The following PACRG variants were observed in gnomAD, a reference collection of about 807,000 sequenced individuals.
The protein encoded by PACRG is parkin coregulated.
In PACRG, 29 loss-of-function variants were observed where a neutral mutation model predicts 29.7. That is an observed-to-expected ratio of 0.98 (90% CI 0.73 to 1.33). The LOEUF is 1.33. Ranked by LOEUF, PACRG falls within the 40% of genes most tolerant of loss-of-function variation. The pLI, the probability that PACRG is intolerant of heterozygous loss-of-function variation, is 0.00. For missense variants in PACRG, 279 were observed against 316.2 expected (o/e 0.88, Z 0.89); for synonymous variants, 116 against 118.7 (o/e 0.98, Z 0.15).
chr6:163,033,863 G>C (rs1807901891), intron 2 of PACRG, among the ~76,000 whole-genome samples: 1 of 152,136 alleles, frequency 6.6e-6, no homozygotes, highest in Non-Finnish European at 1.5e-5. Flanking sequence ...AGTTTGCTGG[G>C]TCACCTTGAA....
chr6:163,229,063 T>C (rs1001854024), intron 4 of PACRG, among the ~76,000 whole-genome samples: 2 of 152,278 alleles, frequency 1.3e-5, no homozygotes, highest in East Asian at 3.9e-4. Context: ...ATATCTCAAT[T>C]TAAAAGTATT....
intron 4 of PACRG, among the ~76,000 whole-genome samples, chr6:163,285,438 G>T (rs568632977): frequency 6.6e-6 from 1 of 152,260 alleles, no homozygotes; most frequent in East Asian, 1.9e-4. Flanking sequence ...TTTATTTAAA[G>T]CTCCTCTTCC....
rs949811325 is a variant in PACRG, at chr6:163,268,718, A to G, written c.614-46109A>G. On this transcript the variant is annotated intron_variant, in intron 4 of 4. Coordinates refer to ENST00000366888, the MANE Select transcript of PACRG (RefSeq NM_001080379.2). ...GTCATGGTTTTGCCTGCTTTTATGT[A>G]ATATTCATTTGTGTTTTATTTTTAT... 2.6e-5 allele frequency among the ~76,000 whole-genome samples: 4 copies of G among 152,126 alleles called. No homozygotes were observed. In the South Asian group the frequency reaches 8.3e-4, roughly 32 times the overall value.
intron 2 of PACRG, among the ~76,000 whole-genome samples, chr6:162,907,243 C>T (rs184925707): frequency 1.1e-3 from 167 of 152,168 alleles, no homozygotes; most frequent in African/African-American, 3.6e-3. Flanking sequence ...CTTTAAAATA[C>T]GGCTGCTCCC....
At chr6:162,731,505 G>A (rs893266415) in intron 1 of PACRG, among the ~76,000 whole-genome samples, 1 of 151,790 alleles carries the variant, frequency 6.6e-6, no homozygotes, top group African/African-American at 2.4e-5. Context: ...AAAGTATATA[G>A]GTAGAAATGT....
At chr6:162,836,761 T>C (rs116639656) in intron 2 of PACRG, among the ~76,000 whole-genome samples, 1,574 of 152,292 alleles carry the variant, frequency 0.01, 37 homozygotes, top group African/African-American at 0.036. Flanking sequence ...CAACTTGTGC[T>C]GTAAAATTTT....
chr6:163,199,722 C>G (rs1166133387), intron 4 of PACRG, among the ~76,000 whole-genome samples: 1 of 152,194 alleles, frequency 6.6e-6, no homozygotes, highest in Non-Finnish European at 1.5e-5. Context: ...TGGGGCAGAG[C>G]TGTCTTCCTT....
At chr6:163,075,930 C>A (rs764100270) in intron 3 of PACRG, among the ~76,000 whole-genome samples, 1 of 152,192 alleles carries the variant, frequency 6.6e-6, no homozygotes, top group African/African-American at 2.4e-5. Flanking sequence ...AGGGACCCAG[C>A]CTGATAGTTG....
intron 4 of PACRG, among the ~76,000 whole-genome samples, chr6:163,208,082 G>A (rs1780982374): frequency 6.6e-6 from 1 of 152,330 alleles, no homozygotes. Context: ...TATTGCCACT[G>A]TCTACATGAG....
At chr6:163,298,686 C>T (rs1255671080) in intron 4 of PACRG, among the ~76,000 whole-genome samples, 4 of 152,180 alleles carry the variant, frequency 2.6e-5, no homozygotes, top group African/African-American at 4.8e-5. Flanking sequence ...TGTATTCCTT[C>T]CACTCCATAG....
chr6:162,847,001 C>T (rs1584528048), intron 2 of PACRG, among the ~76,000 whole-genome samples: 1 of 151,812 alleles, frequency 6.6e-6, no homozygotes, highest in Non-Finnish European at 1.5e-5. Context: ...CACTGTGCTC[C>T]CCACACTGTG....
chr6:163,216,101 T>C (rs1781351084), intron 4 of PACRG, among the ~76,000 whole-genome samples: 2 of 152,348 alleles, frequency 1.3e-5, no homozygotes, highest in Admixed American at 6.5e-5. Context: ...ATGTAGACTT[T>C]TCCCTCTTTT....
intron 2 of PACRG, among the ~76,000 whole-genome samples, chr6:163,057,203 A>G (rs1810670942): frequency 6.6e-6 from 1 of 152,208 alleles, no homozygotes; most frequent in South Asian, 2.1e-4. Flanking sequence ...GACAGCAAAT[A>G]ATTCAGGATT....
At chr6:163,177,274 C>T (rs1366746977) in intron 4 of PACRG, among the ~76,000 whole-genome samples, 1 of 152,036 alleles carries the variant, frequency 6.6e-6, no homozygotes, top group Non-Finnish European at 1.5e-5. Flanking sequence ...AAACTGAGTA[C>T]AATTACCAAA....
intron 4 of PACRG, among the ~76,000 whole-genome samples, chr6:163,259,067 C>T: frequency 6.6e-6 from 1 of 152,098 alleles, no homozygotes; most frequent in East Asian, 1.9e-4. Context: ...CATTATTAGA[C>T]CCATTTTTAC....
At chr6:162,841,394 T>G (rs940362787) in intron 2 of PACRG, among the ~76,000 whole-genome samples, 16 of 152,104 alleles carry the variant, frequency 1.1e-4, no homozygotes, top group Admixed American at 3.9e-4. Flanking sequence ...GAGGTGTTTG[T>G]AGTATTCTCT....
At chr6:163,232,491 A>G (rs6455878) in intron 4 of PACRG, among the ~76,000 whole-genome samples, 65,786 of 151,914 alleles carry the variant, frequency 0.43, 15,205 homozygotes, top group African/African-American at 0.59. Flanking sequence ...GAAGAGGAGA[A>G]GGAAGAAGGC....
intron 2 of PACRG, among the ~76,000 whole-genome samples, chr6:162,865,745 C>A (rs959580948): frequency 6.6e-6 from 1 of 152,002 alleles, no homozygotes; most frequent in South Asian, 2.1e-4. Flanking sequence ...CAGAAAGGCT[C>A]GAATTAACTG....
At chr6:163,302,818 T>C (rs1235496100) in intron 4 of PACRG, among the ~76,000 whole-genome samples, 4 of 152,216 alleles carry the variant, frequency 2.6e-5, no homozygotes, top group Non-Finnish European at 5.9e-5. Flanking sequence ...CATTTAATTA[T>C]TTTTCTTGCT....
Sources: allele counts gnomAD v4.1 joint callset (sites outside exome capture counted in the v4.1 genomes callset), GRCh38; gene constraint gnomAD v4.1.1; transcripts MANE v1.5; gene names NCBI Gene and HGNC (gene_info 2026-07-23, HGNC 2026-07-21).